MYRIP: variants seen among roughly 807,000 people sequenced by gnomAD.
MYRIP encodes myosin VIIA and Rab interacting protein, also known as rab effector MyRIP.
A neutral mutation model predicts 98.0 loss-of-function variants in MYRIP; 49 were observed. The ratio of observed to expected loss-of-function variants is 0.50; its 90% confidence interval spans 0.40 to 0.63. MYRIP has a LOEUF of 0.63. Ranked by LOEUF, MYRIP falls within the 30% of genes least tolerant of loss-of-function variation. The pLI, the probability that MYRIP is intolerant of heterozygous loss-of-function variation, is 0.00. For synonymous variants in MYRIP, 404 were observed against 409.5 expected, an observed-to-expected ratio of 0.99 and a Z score of 0.16; for missense variants, 1,004 against 1,058.2, an observed-to-expected ratio of 0.95 and a Z score of 0.71.
At chr3:39,978,165 C>T (rs749188147) in intron 2 of MYRIP, among the ~76,000 whole-genome samples, 1 of 152,096 alleles carries the variant, frequency 6.6e-6, no homozygotes, top group Non-Finnish European at 1.5e-5. Context: ...TTAACTGATG[C>T]CCTTGAATTG....
At chr3:40,253,369 T>C (rs1249967499) in intron 16 of MYRIP, among the ~76,000 whole-genome samples, 2 of 152,226 alleles carry the variant, frequency 1.3e-5, no homozygotes, top group African/African-American at 2.4e-5. Flanking sequence ...TGAATGGCCA[T>C]ATGAAGGTTC....
At chr3:40,196,850 C>T (rs1003096144) in intron 10 of MYRIP, among the ~76,000 whole-genome samples, 1 of 152,134 alleles carries the variant, frequency 6.6e-6, no homozygotes, top group East Asian at 1.9e-4. Flanking sequence ...TTTTTAGAGT[C>T]TTGTGAGGGA....
At chr3:39,850,747 C>G (rs908202447) in intron 1 of MYRIP, among the ~76,000 whole-genome samples, 1 of 152,088 alleles carries the variant, frequency 6.6e-6, no homozygotes, top group African/African-American at 2.4e-5. Context: ...GGTCTAATTT[C>G]AAATGTAGCC....
At chr3:39,935,806 G>A (rs190374070) in intron 2 of MYRIP, among the ~76,000 whole-genome samples, 2 of 152,234 alleles carry the variant, frequency 1.3e-5, no homozygotes, top group Admixed American at 1.3e-4. Context: ...AATCAGGACA[G>A]GAGCACTTGG....
At chr3:40,188,811 G>A (rs779798438) in intron 9 of MYRIP, among the ~76,000 whole-genome samples, 6 of 151,604 alleles carry the variant, frequency 4.0e-5, no homozygotes, top group Non-Finnish European at 8.8e-5. Flanking sequence ...GGCAACTGCT[G>A]TGCCTGAGAC....
At chr3:40,257,375 TA>T (rs1559480647) in intron 16 of MYRIP, among the ~76,000 whole-genome samples, 1 of 152,212 alleles carries the variant, frequency 6.6e-6, no homozygotes, top group Non-Finnish European at 1.5e-5. Context: ...AAGGATAGCT[TA>T]AATACTGTGA....
At chr3:40,106,151 A>C (rs1174474669) in intron 3 of MYRIP, among the ~76,000 whole-genome samples, 1 of 152,242 alleles carries the variant, frequency 6.6e-6, no homozygotes, top group East Asian at 1.9e-4. Context: ...GTATAGCTTA[A>C]ATAATAATAA....
chr3:40,105,404 A>G (rs1949032671), intron 3 of MYRIP, among the ~76,000 whole-genome samples: 1 of 152,208 alleles, frequency 6.6e-6, no homozygotes. Context: ...TAATTGGCTC[A>G]TGGTTCTGCA....
chr3:40,213,333 A>G (rs1952018780), intron 11 of MYRIP, among the ~76,000 whole-genome samples: 1 of 152,216 alleles, frequency 6.6e-6, no homozygotes, highest in Non-Finnish European at 1.5e-5. Context: ...TTTAGCATAT[A>G]GCAGGAGCCC....
At chr3:40,119,319 G>A (rs1024376937) in intron 3 of MYRIP, among the ~76,000 whole-genome samples, 14 of 152,128 alleles carry the variant, frequency 9.2e-5, no homozygotes, top group African/African-American at 3.1e-4. Context: ...TTTGCATTTC[G>A]GAATGAGGAA....
At chr3:39,945,498 A>AT (rs1944882039) in intron 2 of MYRIP, among the ~76,000 whole-genome samples, 1 of 149,492 alleles carries the variant, frequency 6.7e-6, no homozygotes, top group African/African-American at 2.5e-5. Context: ...AAAAGAAAAA[A>AT]GAAAAAAAAA....
chr3:40,036,324 A>AAAAAAAAAAAAAAAAC (rs1553607293), intron 2 of MYRIP, among the ~76,000 whole-genome samples: 4 of 125,622 alleles, frequency 3.2e-5, no homozygotes, highest in Non-Finnish European at 5.0e-5. Flanking sequence ...AAAAAAAAAA[A>AAAAAAAAAAAAAAAAC]CTTTATTCAA....
intron 2 of MYRIP, among the ~76,000 whole-genome samples, chr3:39,999,744 C>G (rs1322782911): frequency 6.6e-6 from 1 of 152,124 alleles, no homozygotes; most frequent in Non-Finnish European, 1.5e-5. Flanking sequence ...TATTGCAGCA[C>G]TATTCACGAT....
chr3:39,817,344 T>C (rs1940955448), intron 1 of MYRIP, among the ~76,000 whole-genome samples: 1 of 152,166 alleles, frequency 6.6e-6, no homozygotes, highest in Admixed American at 6.5e-5. Flanking sequence ...TGCTCAAAAG[T>C]GATACTGTTT....
intron 1 of MYRIP, among the ~76,000 whole-genome samples, chr3:39,857,343 T>C (rs1942335363): frequency 6.6e-6 from 1 of 151,680 alleles, no homozygotes; most frequent in Non-Finnish European, 1.5e-5. Context: ...GTTTAGTGAA[T>C]GACAAAAAAA....
chr3:40,136,039 A>C (rs113959736), intron 3 of MYRIP, among the ~76,000 whole-genome samples: 1 of 152,186 alleles, frequency 6.6e-6, no homozygotes, highest in African/African-American at 2.4e-5. Context: ...AACAATACTA[A>C]CCTTAAATGT....
intron 4 of MYRIP, among the ~76,000 whole-genome samples, chr3:40,157,207 G>C (rs1388507409): frequency 4.2e-4 from 63 of 148,806 alleles, no homozygotes; most frequent in African/African-American, 1.5e-3. Context: ...AGCATGAAGC[G>C]TTGTTGAATT....
At chr3:40,203,677 AT>A (rs1373634440) in intron 10 of MYRIP, among the ~76,000 whole-genome samples, 21 of 129,050 alleles carry the variant, frequency 1.6e-4, no homozygotes, top group Non-Finnish European at 2.5e-4. Flanking sequence ...ATATTTTTAT[AT>A]TTTTATATAT....
chr3:40,179,890 G>T (rs915645671), intron 8 of MYRIP, among the ~76,000 whole-genome samples: 4 of 152,234 alleles, frequency 2.6e-5, no homozygotes, highest in African/African-American at 9.6e-5. Flanking sequence ...ATACATGGAG[G>T]TTTGCCATAG....
Sources: allele counts gnomAD v4.1 joint callset (sites outside exome capture counted in the v4.1 genomes callset), GRCh38; gene constraint gnomAD v4.1.1; transcripts MANE v1.5; gene names NCBI Gene and HGNC (gene_info 2026-07-23, HGNC 2026-07-21).